The following MFAP4 variants were observed in gnomAD, a reference collection of about 807,000 sequenced individuals.
MFAP4 encodes the protein microfibril associated protein 4.
A neutral mutation model predicts 32.4 loss-of-function variants in MFAP4; 20 were observed. The observed-to-expected ratio is 0.62, with a 90% CI of 0.43 to 0.90. The LOEUF is 0.90. Ranked by LOEUF, MFAP4 falls within the 40% of genes least tolerant of loss-of-function variation. The pLI, the probability that MFAP4 is intolerant of heterozygous loss-of-function variation, is 0.00. For missense variants in MFAP4, 267 were observed against 329.5 expected, an observed-to-expected ratio of 0.81 and a Z score of 1.47; for synonymous variants, 146 against 137.4, an observed-to-expected ratio of 1.06 and a Z score of -0.44.
intron 4 of MFAP4, 21 bp from the exon 5 acceptor site, chr17:19,385,302 G>T (rs772938107): frequency 1.3e-5 from 21 of 1,614,074 alleles, no homozygotes; most frequent in Non-Finnish European, 1.8e-5. Flanking sequence ...GGGGCAGCTG[G>T]TCAACAAGGA....
At position 19,387,172 on chromosome 17, in the gene MFAP4, A is replaced by G. The variant is rs527521810; in HGVS notation, c.-17T>C. On this transcript the variant is annotated 5_prime_UTR_variant, in exon 1 of 6. Coordinates refer to ENST00000299610, the MANE Select transcript of MFAP4 (RefSeq NM_002404.3). ...TACCTTCATGCTGTCAGTTCTGCTC[A>G]GAGTGGCTGGGTGTCTGCGGCCCCA... 7.6e-6 allele frequency: 12 copies of G among 1,574,754 alleles called. 1 individual carries two copies. In the South Asian group the frequency reaches 1.1e-4, roughly 15 times the overall value.
In MFAP4 at chr17:19,384,483, C is replaced by A; in HGVS notation, c.747G>T (p.Glu249Asp). 2 of 1,589,192 alleles carry A rather than the reference C, an allele frequency of 1.3e-6. No homozygotes were observed. Among genetic ancestry groups the A allele is most frequent in the Non-Finnish European group, 1.7e-6 (2 of 1,167,314 alleles). The stretch of plus-strand genomic sequence containing the variant: ...CCCTTCAGGCCCGGCGGATTTTCAT[C>A]TCAGTGCGTTTGAGGGAGTAGTAGA... The part of the protein sequence containing the change: ...KGFYYSLKRT[E>D]MKIRRA Residue 249 changes from glutamate (E) to aspartate (D), a missense_variant, in exon 6 of 6, where the codon GAG (glutamate) becomes GAT (aspartate). Coordinates refer to ENST00000299610, the MANE Select transcript of MFAP4 (RefSeq NM_002404.3).
rs1359010178 is a variant in MFAP4, at chr17:19,386,377, T to G, written c.173A>C (p.Tyr58Ser). ...CACAGGCACACTGGGGCCCGAGGGG[T>G]AGATGAGGTACACGCCGTCTGACTG... ...GYQSDGVYLI[Y>S]PSGPSVPVPV... Residue 58 changes from tyrosine (Y) to serine (S), a missense_variant, in exon 3 of 6, where the codon TAC becomes TCC. Tyr to Ser is a moderately radical substitution (Grantham distance 144). Coordinates refer to ENST00000299610, the MANE Select transcript of MFAP4 (RefSeq NM_002404.3). The G allele has an allele frequency of 6.2e-7, 1 of 1,612,518 alleles. No individual in the cohort carries two copies.
chr17:19,386,563 C>T (rs953562386), intron 2 of MFAP4, 99 bp from the exon 3 acceptor site: 5 of 1,394,168 alleles, frequency 3.6e-6, no homozygotes, highest in Non-Finnish European at 4.0e-6. Context: ...GGCTGGGGGA[C>T]TTTGACACAA....
chr17:19,385,992 G>T (rs1315083543), intron 3 of MFAP4, among the ~76,000 whole-genome samples: 1 of 152,198 alleles, frequency 6.6e-6, no homozygotes, highest in African/African-American at 2.4e-5. Flanking sequence ...GGTGGCACAT[G>T]CCTGTAATCC....
intron 3 of MFAP4, 93 bp downstream of exon 3, chr17:19,386,217 A>G (rs1913026026): frequency 3.4e-6 from 4 of 1,187,568 alleles, no homozygotes; most frequent in Admixed American, 2.9e-5. Context: ...CCCATTTTAA[A>G]GATGAAGAAA....
chr17:19,387,017 A>G (rs540451586), intron 1 of MFAP4, 133 bp downstream of exon 1: 5 of 828,620 alleles, frequency 6.0e-6, no homozygotes, highest in Admixed American at 2.6e-5. Context: ...ACTCTCTGGG[A>G]CGCTGTGTAC....
intron 5 of MFAP4, 42 bp from the exon 6 acceptor site, chr17:19,384,751 C>A (rs1025937363): frequency 1.9e-6 from 3 of 1,609,224 alleles, no homozygotes; most frequent in Non-Finnish European, 2.5e-6. Flanking sequence ...AGGCAGGGAA[C>A]TGAGCCCCGA....
chr17:19,387,028 C>T, intron 1 of MFAP4, 122 bp downstream of exon 1: 1 of 1,373,270 alleles, frequency 7.3e-7, no homozygotes, highest in Non-Finnish European at 9.9e-7. Context: ...CGCTGTGTAC[C>T]CTCATAGCTT....
chr17:19,384,384 C>T lies in MFAP4; in HGVS notation c.*78G>A, dbSNP rs1414607177. ...GTGCTCGGGAATCAGCAGAAGCATG[C>T]ATCAGGGGCAGCAGAGGGAGCACTC... On this transcript the variant is annotated 3_prime_UTR_variant, in exon 6 of 6. Transcript: ENST00000299610. 2.7e-6 allele frequency: 4 copies of T among 1,475,174 alleles called. 1 individual carries two copies. Among genetic ancestry groups the T allele is most frequent in the African/African-American group, 2.8e-5 (2 of 71,320 alleles). 91.4% of individuals were successfully genotyped at this position (1,475,174 alleles called of 1,614,324 possible).
chr17:19,385,525 C>G, intron 3 of MFAP4, 71 bp from the exon 4 acceptor site: 2 of 1,399,004 alleles, frequency 1.4e-6, no homozygotes, highest in Non-Finnish European at 1.0e-6. Context: ...CCCTGCCCAC[C>G]TCAAGCATGG....
At position 19,384,636 on chromosome 17, in the gene MFAP4, G is replaced by A; in HGVS notation, c.594C>T (p.Asn198=). The A allele has an allele frequency of 6.2e-7, 1 of 1,614,218 alleles. No homozygotes were observed. The highest frequency in any genetic ancestry group is 8.5e-7 in the Non-Finnish European group (1 of 1,180,028). The change falls in exon 6 of 6, where the codon AAC becomes AAT. Residue 198 remains asparagine (N), a synonymous_variant. Transcript: ENST00000299610. ...AGGCTCCTGAGGAGAGAGCTGCGCA[G>A]TTCTGCACAAAGAGGTCCTGGTCCC... ...FDRDQDLFVQ[N]CAALSSGAFW... is the part of the protein sequence containing the mutation.
At chr17:19,385,328 G>A in intron 4 of MFAP4, 30 bp downstream of exon 4, 1 of 1,614,204 alleles carries the variant, frequency 6.2e-7, no homozygotes. Flanking sequence ...CCCTGGGGCA[G>A]CCCCTCAGCC....
intron 1 of MFAP4, 95 bp downstream of exon 1, chr17:19,387,055 C>T: frequency 6.8e-7 from 1 of 1,472,114 alleles, no homozygotes. Context: ...TTCAAGAGAA[C>T]TCCTTGTGCC....
At position 19,385,150 on chromosome 17, in the gene MFAP4, C is replaced by T. The variant is rs755308604; in HGVS notation, c.469G>A (p.Glu157Lys). 2 of 1,614,284 alleles carry T rather than the reference C, an allele frequency of 1.2e-6. No individual in the cohort carries two copies. The highest frequency in any genetic ancestry group is 3.3e-5 in the Admixed American group (2 of 60,036). The change falls in exon 5 of 6, where the codon GAG becomes AAG. Residue 157 changes from glutamate to lysine, a missense_variant. Physicochemically the swap from Glu to Lys is moderately conservative, Grantham distance 56. Transcript: ENST00000299610. ...ACAAAGAGGGTGTAGCCATCCTCCT[C>T]TGCGCTGACCGCGTTCGGGGAGATG... Reference protein sequence around the residue: ...FSISPNAVSAEEDGYTLFVAG... With the variant: ...FSISPNAVSAKEDGYTLFVAG...
intron 5 of MFAP4, 75 bp from the exon 6 acceptor site, chr17:19,384,784 T>C (rs2152295591): frequency 6.3e-7 from 1 of 1,585,314 alleles, no homozygotes; most frequent in Middle Eastern, 1.8e-4. Flanking sequence ...AGGGTGACAA[T>C]GACGACTGTG....
At chr17:19,384,980 C>A in intron 5 of MFAP4, 119 bp downstream of exon 5, 1 of 1,334,982 alleles carries the variant, frequency 7.5e-7, no homozygotes, top group Non-Finnish European at 1.0e-6. Flanking sequence ...CCAGCTGTGG[C>A]CCTTCCAGAT....
Position 19,384,638 on chromosome 17 carries a change from TC to T in MFAP4, c.591del (p.Asn198ThrfsTer25). ...TFDRDQDLFV[Q>X]NCAALSSGAF... ...GCTCCTGAGGAGAGAGCTGCGCAGT[TC>T]TGCACAAAGAGGTCCTGGTCCCGGT... is the stretch of plus-strand genomic sequence containing the variant. On this transcript the variant is annotated frameshift_variant, in exon 6 of 6. Coordinates refer to ENST00000299610, the MANE Select transcript of MFAP4 (RefSeq NM_002404.3). LOFTEE classifies it high-confidence loss of function. 6.2e-7 allele frequency: 1 copy of T among 1,614,158 alleles called. No individual in the cohort carries two copies. Among genetic ancestry groups the T allele is most frequent in the Non-Finnish European group, 8.5e-7 (1 of 1,180,024 alleles).
chr17:19,384,841 G>A, intron 5 of MFAP4, 132 bp from the exon 6 acceptor site: 2 of 1,279,842 alleles, frequency 1.6e-6, no homozygotes, highest in Non-Finnish European at 2.2e-6. Context: ...CCCTCCCTGA[G>A]CCAGATGTTG....
Sources: allele counts gnomAD v4.1 joint callset (sites outside exome capture counted in the v4.1 genomes callset), GRCh38; gene constraint gnomAD v4.1.1; transcripts MANE v1.5; gene names NCBI Gene and HGNC (gene_info 2026-07-23, HGNC 2026-07-21).